The following PTPN12 variants were observed in gnomAD, a reference collection of about 807,000 sequenced individuals.
PTPN12 encodes tyrosine-protein phosphatase non-receptor type 12.
PTPN12 carries 29 observed loss-of-function variants against 97.6 expected under a neutral mutation model. The observed-to-expected ratio is 0.30, with a 90% confidence interval of 0.22 to 0.41. PTPN12 has a LOEUF of 0.41. Ranked by LOEUF, PTPN12 falls within the 10% of genes least tolerant of loss-of-function variation. The pLI is 1.00. For missense variants in PTPN12, 819 were observed against 926.0 expected (o/e 0.88, Z 1.50); for synonymous variants, 327 against 300.4 (o/e 1.09, Z -0.91).
At chr7:77,550,473 C>T (rs1176249057) in intron 1 of PTPN12, among the ~76,000 whole-genome samples, 1 of 152,142 alleles carries the variant, frequency 6.6e-6, no homozygotes, top group Non-Finnish European at 1.5e-5. Flanking sequence ...ATACACCAAC[C>T]ATTTTGTTTA....
chr7:77,562,329 AG>A (rs1237326565), intron 1 of PTPN12, among the ~76,000 whole-genome samples: 4 of 152,198 alleles, frequency 2.6e-5, no homozygotes, highest in Non-Finnish European at 5.9e-5. Flanking sequence ...CTGGGATTAC[AG>A]GAGTGAGCCA....
At chr7:77,618,733 A>G (rs973166368) in intron 12 of PTPN12, among the ~76,000 whole-genome samples, 168 bp downstream of exon 12, 15 of 152,172 alleles carry the variant, frequency 9.9e-5, no homozygotes, top group Admixed American at 9.8e-4. Flanking sequence ...TTTATTAAAA[A>G]TTTGGTTTCA....
chr7:77,579,769 C>T (rs1409844414), intron 2 of PTPN12, among the ~76,000 whole-genome samples: 5 of 151,908 alleles, frequency 3.3e-5, no homozygotes, highest in East Asian at 3.9e-4. Context: ...ACAAAACAGA[C>T]GTGGAAAAAT....
At chr7:77,564,746 GTTTTTTTTT>G (rs764476553) in intron 1 of PTPN12, among the ~76,000 whole-genome samples, 77 of 45,402 alleles carry the variant, frequency 1.7e-3, no homozygotes, top group East Asian at 4.8e-3. Flanking sequence ...TTGTTGTCGT[GTTTTTTTTT>G]TTTTTTTTTT....
rs1380815824 is a variant in PTPN12 at position 77,632,412 on chromosome 7, A to G, written c.2061A>G (p.Leu687=). ...LPERTPESFV[L]ASEHNTPVRS... ...AAAGAACTCCTGAATCGTTTGTGTT[A>G]GCAAGTGAACATAGTGAGTGTCTCT... Residue 687 remains leucine (L), a synonymous_variant, in exon 14 of 18, where the codon TTA becomes TTG. Coordinates refer to ENST00000248594, the MANE Select transcript of PTPN12 (RefSeq NM_002835.4). 2 of 1,608,398 alleles carry G rather than the reference A, an allele frequency of 1.2e-6. No homozygotes were observed. Among genetic ancestry groups the G allele is most frequent in the Non-Finnish European group, 1.7e-6 (2 of 1,175,086 alleles).
chr7:77,636,882 A>G, intron 15 of PTPN12, 136 bp from the exon 16 acceptor site: 2 of 607,334 alleles, frequency 3.3e-6, no homozygotes, highest in Non-Finnish European at 5.6e-6. Flanking sequence ...TTAAAAAACA[A>G]TTGTTTGCTT....
At chr7:77,607,395 T>C in intron 9 of PTPN12, 94 bp downstream of exon 9, 2 of 917,240 alleles carry the variant, frequency 2.2e-6, no homozygotes, top group Non-Finnish European at 3.3e-6. Flanking sequence ...TATATTTTAT[T>C]ATACATGTTA....
chr7:77,605,943 A>ATGT (rs1788356785), intron 8 of PTPN12, among the ~76,000 whole-genome samples: 1 of 84,440 alleles, frequency 1.2e-5, no homozygotes, highest in Non-Finnish European at 2.2e-5. Flanking sequence ...AACAAGAGCC[A>ATGT]TCTTTTTTTT....
At chr7:77,623,960 G>C (rs1789038639) in intron 12 of PTPN12, among the ~76,000 whole-genome samples, 1 of 151,990 alleles carries the variant, frequency 6.6e-6, no homozygotes, top group East Asian at 1.9e-4. Context: ...CACTCTTTCA[G>C]ATTAAGAACC....
intron 6 of PTPN12, among the ~76,000 whole-genome samples, chr7:77,595,756 A>G (rs2151352384): frequency 6.6e-6 from 1 of 152,304 alleles, no homozygotes; most frequent in African/African-American, 2.4e-5. Flanking sequence ...AGCAGGTATA[A>G]TAGTATTATT....
intron 2 of PTPN12, among the ~76,000 whole-genome samples, chr7:77,574,291 T>G (rs1006421754): frequency 6.6e-6 from 1 of 152,176 alleles, no homozygotes; most frequent in Non-Finnish European, 1.5e-5. Context: ...GTTAAACTGG[T>G]CCTCTGAAAG....
chr7:77,574,269 T>G (rs1035715802), intron 2 of PTPN12, among the ~76,000 whole-genome samples: 27 of 152,158 alleles, frequency 1.8e-4, no homozygotes, highest in African/African-American at 6.0e-4. Context: ...TGGGAAAGGT[T>G]AGTGGTGTAG....
chr7:77,588,592 G>T (rs920367067), intron 5 of PTPN12, among the ~76,000 whole-genome samples: 3 of 152,144 alleles, frequency 2.0e-5, no homozygotes, highest in African/African-American at 4.8e-5. Context: ...TTGAAAAAAT[G>T]ATACCGATAT....
rs769625705 is a variant in PTPN12, at chr7:77,571,080, G to A, written c.102G>A (p.Arg34=). Residue 34 remains arginine, a splice_region_variant and synonymous_variant, in exon 2 of 18, where the codon CGG becomes CGA. Transcript: ENST00000248594. ...ATTTTTATTTGTTGTATTTTAAGCG[G>A]TTAAGAAGATTGTCTACCAAATATA... ...GEDNFARDFM[R]LRRLSTKYRT... 4.5e-6 allele frequency: 7 copies of A among 1,553,730 alleles called. No homozygotes were observed. In the Admixed American group the frequency reaches 1.0e-4, roughly 23 times the overall value.
intron 1 of PTPN12, among the ~76,000 whole-genome samples, chr7:77,547,597 T>C (rs572019230): frequency 2.0e-5 from 3 of 152,258 alleles, no homozygotes; most frequent in Non-Finnish European, 4.4e-5. Context: ...CAAGATAATA[T>C]ATGTAAAGTT....
intron 6 of PTPN12, among the ~76,000 whole-genome samples, chr7:77,596,322 T>C (rs1788021447): frequency 6.6e-6 from 1 of 152,236 alleles, no homozygotes; most frequent in Non-Finnish European, 1.5e-5. Flanking sequence ...ACTTCTCTTA[T>C]TTGTACATAT....
rs766682383 is a variant in PTPN12 at position 77,627,524 on chromosome 7, T to C, written c.1845T>C (p.Gly615=). 3 of 1,614,038 alleles carry C rather than the reference T, an allele frequency of 1.9e-6. No homozygotes were observed. The Admixed American group carries it at 5.0e-5, about 27-fold the overall frequency. ...DSDSDERNSD[G]AVTQNKTNIS... is the part of the protein sequence containing the mutation. ...ACTCAGATGAAAGAAACTCTGATGG[T>C]GCTGTGACCCAGAATAAAACTAATA... The change falls in exon 13 of 18, where the codon GGT becomes GGC. Residue 615 remains glycine (G), a synonymous_variant. Coordinates refer to ENST00000248594, the MANE Select transcript of PTPN12 (RefSeq NM_002835.4).
chr7:77,589,416 T>C (rs957158859), intron 5 of PTPN12, among the ~76,000 whole-genome samples: 1 of 152,152 alleles, frequency 6.6e-6, no homozygotes, highest in Non-Finnish European at 1.5e-5. Context: ...TAAATAAAAC[T>C]TATAAAGTGT....
chr7:77,569,713 G>A (rs1007804446), intron 1 of PTPN12, among the ~76,000 whole-genome samples: 5 of 152,210 alleles, frequency 3.3e-5, no homozygotes, highest in African/African-American at 1.2e-4. Context: ...CGAGGTTGCA[G>A]TGGGCCGAGA....
Sources: allele counts gnomAD v4.1 joint callset (sites outside exome capture counted in the v4.1 genomes callset), GRCh38; gene constraint gnomAD v4.1.1; transcripts MANE v1.5; gene names NCBI Gene and HGNC (gene_info 2026-07-23, HGNC 2026-07-21).